ESR1: variants seen among roughly 807,000 people sequenced by gnomAD.
The protein encoded by ESR1 is estrogen receptor 1.
ESR1 carries 12 observed loss-of-function variants against 52.7 expected under a neutral mutation model. The ratio of observed to expected loss-of-function variants is 0.23; its 90% confidence interval spans 0.15 to 0.37. ESR1 has a LOEUF of 0.37. ESR1 is among the 10% of genes least tolerant of loss of function. ESR1 has a pLI of 1.00. For missense variants in ESR1, 584 were observed against 779.7 expected (o/e 0.75, Z 2.99); for synonymous variants, 305 against 316.8 (o/e 0.96, Z 0.39).
chr6:151,815,105 TC>T (rs1485542994), intron 1 of ESR1, among the ~76,000 whole-genome samples: 1 of 152,230 alleles, frequency 6.6e-6, no homozygotes, highest in Non-Finnish European at 1.5e-5. Context: ...GGTAACAGTT[TC>T]GAAAGCAACA....
At chr6:152,042,506 G>A (rs1423449040) in intron 5 of ESR1, among the ~76,000 whole-genome samples, 2 of 152,144 alleles carry the variant, frequency 1.3e-5, no homozygotes, top group Non-Finnish European at 2.9e-5. Flanking sequence ...AAAGGCCAGA[G>A]GTCTCCTGGG....
chr6:151,959,854 G>A (rs1325818657), intron 4 of ESR1, among the ~76,000 whole-genome samples: 2 of 152,144 alleles, frequency 1.3e-5, no homozygotes, highest in Non-Finnish European at 2.9e-5. Context: ...AATTACTCCT[G>A]TTGAGAATAC....
At chr6:152,086,766 A>C (rs1268195477) in intron 6 of ESR1, among the ~76,000 whole-genome samples, 1 of 152,072 alleles carries the variant, frequency 6.6e-6, no homozygotes, top group Non-Finnish European at 1.5e-5. Context: ...GTTCCAGCAA[A>C]AACACTCATC....
intron 3 of ESR1, among the ~76,000 whole-genome samples, chr6:151,925,486 A>G (rs1348267432): frequency 1.3e-5 from 2 of 152,144 alleles, no homozygotes; most frequent in Non-Finnish European, 2.9e-5. Context: ...GGGCACTTGT[A>G]ATCCCAGCTA....
At chr6:152,022,977 C>CA (rs552229617) in intron 5 of ESR1, among the ~76,000 whole-genome samples, 1,943 of 116,748 alleles carry the variant, frequency 0.017, 15 homozygotes, top group Middle Eastern at 0.024. Flanking sequence ...AACTCTGTCT[C>CA]AAAAAAAAAA....
At chr6:151,973,341 C>CAA (rs34460210) in intron 4 of ESR1, among the ~76,000 whole-genome samples, 85,022 of 151,910 alleles carry the variant, frequency 0.56, 25,221 homozygotes, top group Middle Eastern at 0.72. Context: ...TGTCTGCATT[C>CAA]AAGAGTGTGC....
chr6:151,820,251 C>G (rs1780345422), intron 1 of ESR1, among the ~76,000 whole-genome samples: 1 of 152,082 alleles, frequency 6.6e-6, no homozygotes, highest in Non-Finnish European at 1.5e-5. Flanking sequence ...CTTCAGAGCT[C>G]CAGCCCAGTT....
At chr6:151,851,901 G>C (rs771846893) in intron 2 of ESR1, among the ~76,000 whole-genome samples, 3 of 152,106 alleles carry the variant, frequency 2.0e-5, no homozygotes, top group Admixed American at 2.0e-4. Flanking sequence ...AAGAATCAAA[G>C]CGTGAAGACC....
At chr6:152,088,344 C>A (rs1312551847) in intron 6 of ESR1, among the ~76,000 whole-genome samples, 2 of 152,018 alleles carry the variant, frequency 1.3e-5, no homozygotes, top group African/African-American at 4.8e-5. Context: ...ACTGAGAAAA[C>A]TAAAAACTAA....
chr6:151,699,866 G>A (rs1779637197), intron 1 of ESR1, among the ~76,000 whole-genome samples: 1 of 152,052 alleles, frequency 6.6e-6, no homozygotes, highest in Non-Finnish European at 1.5e-5. Flanking sequence ...GTTGAGAATT[G>A]AGCAATTATC....
intron 5 of ESR1, among the ~76,000 whole-genome samples, chr6:152,019,513 A>T (rs17082033): frequency 0.14 from 21,759 of 152,204 alleles, 1,841 homozygotes; most frequent in East Asian, 0.37. Flanking sequence ...CACTCAATGT[A>T]AAGTTACTCC....
rs192136490 is a variant in ESR1, at chr6:151,719,595, G to A, written c.-71+17590G>A. Among the ~76,000 whole-genome samples, 5 of 152,304 alleles carry A rather than the reference G, an allele frequency of 3.3e-5. No individual in the cohort carries two copies. In the East Asian group the frequency reaches 9.7e-4, roughly 29 times the overall value. On this transcript the variant is annotated intron_variant, in intron 2 of 2. Coordinates refer to the ESR1 transcript ENST00000404742. Reference sequence around the variant, plus strand: ...CAGGAGGTGCTGGGGCAGGTGAACTGCTTTTTGATTGGGGAGTTCAGAGGG... The same window carrying A: ...CAGGAGGTGCTGGGGCAGGTGAACTACTTTTTGATTGGGGAGTTCAGAGGG...
chr6:151,851,702 A>G (rs1032897155), intron 2 of ESR1, among the ~76,000 whole-genome samples: 2 of 151,950 alleles, frequency 1.3e-5, no homozygotes, highest in Non-Finnish European at 2.9e-5. Context: ...TAGTTTTTAT[A>G]TTTTTAGTAG....
chr6:152,046,420 A>G, intron 5 of ESR1, among the ~76,000 whole-genome samples: 1 of 152,238 alleles, frequency 6.6e-6, no homozygotes, highest in East Asian at 1.9e-4. Context: ...TCTAATCAAA[A>G]GAAAAAAATT....
chr6:152,117,838 A>T (rs2051227543), intron 6 of ESR1, among the ~76,000 whole-genome samples: 1 of 152,226 alleles, frequency 6.6e-6, no homozygotes, highest in Non-Finnish European at 1.5e-5. Context: ...GGGACAGGTT[A>T]GTGAGAAGCT....
intron 1 of ESR1, among the ~76,000 whole-genome samples, chr6:151,695,821 T>TAA (rs1160984603): frequency 5.9e-5 from 9 of 152,218 alleles, no homozygotes. Flanking sequence ...TTAATAAAGA[T>TAA]AATTGCATCA....
At chr6:152,110,471 A>C (rs1399801167) in intron 6 of ESR1, among the ~76,000 whole-genome samples, 1 of 152,188 alleles carries the variant, frequency 6.6e-6, no homozygotes, top group Non-Finnish European at 1.5e-5. Context: ...GTGGGAGCTA[A>C]ATGATGAGAA....
chr6:151,691,427 A>G (rs989037057), intron 1 of ESR1, among the ~76,000 whole-genome samples: 3 of 152,202 alleles, frequency 2.0e-5, no homozygotes, highest in African/African-American at 7.2e-5. Context: ...TGCTCGCTGA[A>G]CTGTAAGTTT....
chr6:151,809,291 A>AT, intron 1 of ESR1: 1 of 351,836 alleles, frequency 2.8e-6, no homozygotes. Flanking sequence ...CCTCATTTTA[A>AT]TTTTTTTCCC....
Sources: gnomAD v4.1 joint callset for allele counts (sites outside exome capture counted in the v4.1 genomes callset) on GRCh38, gnomAD v4.1.1 for gene constraint, MANE v1.5 for transcripts, NCBI Gene and HGNC (gene_info 2026-07-23, HGNC 2026-07-21) for gene names.